Variants in EHBP1 observed in about 807,000 individuals in gnomAD.
EHBP1 encodes EH domain binding protein 1, also known as EH domain-binding protein 1.
Under a neutral mutation model 144.0 loss-of-function variants are expected in EHBP1, and 55 were observed. The ratio of observed to expected loss-of-function variants is 0.38; its 90% CI spans 0.31 to 0.48. The LOEUF (loss-of-function observed/expected upper bound fraction) is 0.48. EHBP1 is among the 20% of genes least tolerant of loss of function. The pLI is 0.98. For synonymous variants in EHBP1, 469 were observed against 472.7 expected, an observed-to-expected ratio of 0.99 and a Z score of 0.10; for missense variants, 1,200 against 1,364.2, an observed-to-expected ratio of 0.88 and a Z score of 1.90.
In EHBP1 at chr2:63,046,026, G is replaced by C. The variant is rs1188243105; in HGVS notation, c.*526G>C. On this transcript the variant is annotated 3_prime_UTR_variant, in exon 23 of 23. Coordinates refer to ENST00000431489, the MANE Select transcript of EHBP1 (RefSeq NM_001142616.3). ...ATATCCAATCTACTTATTAAACTGTGTTCTATTTACCAGTGGAGTTTTTCT... is the reference window on the plus strand; with the variant it reads ...ATATCCAATCTACTTATTAAACTGTCTTCTATTTACCAGTGGAGTTTTTCT... The C allele has an allele frequency of 1.3e-5, 2 of 153,936 alleles. No individual in the cohort carries two copies. The highest frequency in any genetic ancestry group is 4.8e-5 in the African/African-American group (2 of 41,546). 9.5% of individuals were successfully genotyped at this position (153,936 alleles called of 1,614,324 possible).
At chr2:62,767,739 G>A (rs569419413) in intron 4 of EHBP1, among the ~76,000 whole-genome samples, 45 of 151,240 alleles carry the variant, frequency 3.0e-4, no homozygotes, top group Non-Finnish European at 5.9e-4. Flanking sequence ...AGGAGGTTGA[G>A]GTGGGAGGAT....
intron 10 of EHBP1, among the ~76,000 whole-genome samples, chr2:62,941,652 T>C (rs980999688): frequency 6.6e-6 from 1 of 152,100 alleles, no homozygotes; most frequent in Non-Finnish European, 1.5e-5. Context: ...TGATCTTTCT[T>C]AGGTAAGCAG....
intron 5 of EHBP1, among the ~76,000 whole-genome samples, chr2:62,780,423 CTAAA>C (rs1213308724): frequency 6.6e-6 from 1 of 151,946 alleles, no homozygotes; most frequent in East Asian, 1.9e-4. Flanking sequence ...TTTTAGCTAA[CTAAA>C]TCTTACTTTG....
intron 10 of EHBP1, among the ~76,000 whole-genome samples, chr2:62,915,337 T>C (rs2054523044): frequency 6.6e-6 from 1 of 152,126 alleles, no homozygotes; most frequent in South Asian, 2.1e-4. Context: ...CCATTTAACT[T>C]TACTAATTTA....
At chr2:62,987,304 A>G (rs2153220050) in intron 15 of EHBP1, among the ~76,000 whole-genome samples, 1 of 152,276 alleles carries the variant, frequency 6.6e-6, no homozygotes, top group East Asian at 1.9e-4. Context: ...ATTCCCGTAT[A>G]TTTAATTTTG....
intron 5 of EHBP1, among the ~76,000 whole-genome samples, chr2:62,790,551 A>C (rs1327534607): frequency 6.6e-6 from 1 of 152,196 alleles, no homozygotes; most frequent in Admixed American, 6.5e-5. Context: ...TGTATTATTA[A>C]AAGAAATAAG....
intron 7 of EHBP1, among the ~76,000 whole-genome samples, chr2:62,843,376 C>T (rs1019880536): frequency 1.3e-5 from 2 of 151,524 alleles, no homozygotes; most frequent in Non-Finnish European, 2.9e-5. Context: ...TTCTGGAGGG[C>T]ACACATAATT....
chr2:62,816,424 C>G (rs1481805587), intron 5 of EHBP1, among the ~76,000 whole-genome samples: 1 of 152,076 alleles, frequency 6.6e-6, no homozygotes, highest in Non-Finnish European at 1.5e-5. Context: ...TTGATAGATA[C>G]AACCCACATA....
intron 3 of EHBP1, among the ~76,000 whole-genome samples, chr2:62,752,066 T>C (rs1278908965): frequency 6.6e-6 from 1 of 152,162 alleles, no homozygotes; most frequent in Non-Finnish European, 1.5e-5. Context: ...GTTCTTTTAA[T>C]TGTGATGTTA....
chr2:62,893,095 C>T (rs1005220734), intron 10 of EHBP1, among the ~76,000 whole-genome samples: 118 of 152,220 alleles, frequency 7.8e-4, no homozygotes, highest in African/African-American at 2.8e-3. Context: ...CTTTTACTTA[C>T]TCTGAAGGAG....
intron 7 of EHBP1, among the ~76,000 whole-genome samples, chr2:62,839,934 A>G (rs984522839): frequency 3.9e-5 from 6 of 152,170 alleles, no homozygotes; most frequent in African/African-American, 4.8e-5. Flanking sequence ...TACAGATTCA[A>G]TGCCATCCCC....
chr2:62,953,866 A>G (rs1355948874), intron 13 of EHBP1, among the ~76,000 whole-genome samples: 2 of 152,126 alleles, frequency 1.3e-5, no homozygotes, highest in African/African-American at 4.8e-5. Context: ...ACATCTTTTC[A>G]CTGTCCATGT....
chr2:62,971,070 A>G (rs751323487), intron 14 of EHBP1, among the ~76,000 whole-genome samples: 2 of 152,224 alleles, frequency 1.3e-5, no homozygotes, highest in Non-Finnish European at 2.9e-5. Flanking sequence ...TTACTAGTGC[A>G]TCTATCTATG....
intron 8 of EHBP1, among the ~76,000 whole-genome samples, chr2:62,860,809 ACAACACATAAG>A (rs2049463858): frequency 6.6e-6 from 1 of 152,218 alleles, no homozygotes. Context: ...AGAGTGGCAG[ACAACACATAAG>A]ATCATATTTC....
At chr2:62,909,881 C>A (rs564030756) in intron 10 of EHBP1, among the ~76,000 whole-genome samples, 1 of 152,268 alleles carries the variant, frequency 6.6e-6, no homozygotes, top group African/African-American at 2.4e-5. Context: ...CCTCAGCCTC[C>A]TAAGTAGCTG....
chr2:63,012,796 G>A (rs1461054521), intron 19 of EHBP1, among the ~76,000 whole-genome samples: 2 of 152,146 alleles, frequency 1.3e-5, no homozygotes, highest in African/African-American at 4.8e-5. Context: ...AAAATGAGCT[G>A]TTGACATTCT....
chr2:62,712,889 G>A (rs2035290512), intron 2 of EHBP1, among the ~76,000 whole-genome samples: 1 of 152,124 alleles, frequency 6.6e-6, no homozygotes, highest in Admixed American at 6.6e-5. Flanking sequence ...TTACAAAAAT[G>A]AGCACATATC....
chr2:63,004,778 C>T (rs1435799004), intron 19 of EHBP1, among the ~76,000 whole-genome samples: 1 of 151,926 alleles, frequency 6.6e-6, no homozygotes, highest in Non-Finnish European at 1.5e-5. Context: ...TAATGGATCC[C>T]CTTAATATTA....
intron 19 of EHBP1, among the ~76,000 whole-genome samples, chr2:63,036,118 C>T (rs968738656): frequency 6.6e-6 from 1 of 152,026 alleles, no homozygotes; most frequent in African/African-American, 2.4e-5. Flanking sequence ...ATCCCTTACA[C>T]ACAGATTAGC....
Sources: gnomAD v4.1 joint callset for allele counts (sites outside exome capture counted in the v4.1 genomes callset) on GRCh38, gnomAD v4.1.1 for gene constraint, MANE v1.5 for transcripts, NCBI Gene and HGNC (gene_info 2026-07-23, HGNC 2026-07-21) for gene names.